The following INTS1 variants were observed in gnomAD, a reference collection of about 807,000 sequenced individuals.
The protein encoded by INTS1 is integrator complex subunit 1.
A neutral mutation model predicts 241.6 loss-of-function variants in INTS1; 137 were observed. The ratio of observed to expected loss-of-function variants is 0.57; its 90% CI spans 0.49 to 0.65. The LOEUF (loss-of-function observed/expected upper bound fraction) is 0.65. Among genes scored for constraint, INTS1 ranks in the 30% least tolerant of loss-of-function variants. The probability of loss-of-function intolerance (pLI) is 0.00; values close to 1 mark genes in which losing one functional copy is unlikely to be tolerated. For synonymous variants in INTS1, 1,692 were observed against 1,337.8 expected (o/e 1.26, Z -5.78); for missense variants, 3,073 against 3,032.2 (o/e 1.01, Z -0.32).
At chr7:1,489,960 A>C (rs1260249114) in intron 16 of INTS1, among the ~76,000 whole-genome samples, 1 of 152,122 alleles carries the variant, frequency 6.6e-6, no homozygotes, top group African/African-American at 2.4e-5. Context: ...ATTAAGTGAC[A>C]ATGATTTTTG....
Position 1,474,625 on chromosome 7 carries a change from T to C in INTS1, c.5636+80A>G. On this transcript the variant is annotated intron_variant, in intron 40 of 47. Coordinates refer to ENST00000404767, the MANE Select transcript of INTS1 (RefSeq NM_001080453.3). ...TTTTTTGTTGTTTTTGGAGTTTTGC[T>C]CTTGTTGCCCAGGCTGGAGAGCCGC... 3 of 1,470,760 alleles carry C rather than the reference T, an allele frequency of 2.0e-6. No individual in the cohort carries two copies. The Admixed American group carries it at 6.9e-5, about 34-fold the overall frequency. The allele number at this position is 1,470,760 out of a possible 1,614,324, so 91.1% of individuals were successfully genotyped here. A position where few individuals can be genotyped will look rare whatever the true frequency, so the allele number is the denominator to read the frequency against.
chr7:1,496,464 G>A (rs1435715348), intron 11 of INTS1, among the ~76,000 whole-genome samples, 200 bp from the exon 12 acceptor site: 1 of 150,952 alleles, frequency 6.6e-6, no homozygotes, highest in African/African-American at 2.4e-5. Flanking sequence ...GCGCGGCACG[G>A]GGTCTGTATC....
At chr7:1,494,606 A>G (rs2128542307) in intron 14 of INTS1, 1 of 613,952 alleles carries the variant, frequency 1.6e-6, no homozygotes, top group Non-Finnish European at 2.9e-6. Flanking sequence ...GTGGACGCAG[A>G]CGGCAGCTGA....
intron 11 of INTS1, among the ~76,000 whole-genome samples, chr7:1,496,724 T>A (rs1465041470): frequency 6.6e-6 from 1 of 152,144 alleles, no homozygotes; most frequent in Non-Finnish European, 1.5e-5. Context: ...CCCGGCAGGC[T>A]GGCTGCGAGT....
chr7:1,478,303 GA>G, intron 33 of INTS1, 62 bp downstream of exon 33: 1 of 1,572,498 alleles, frequency 6.4e-7, no homozygotes, highest in Non-Finnish European at 8.7e-7. Context: ...CAGCTAGAAG[GA>G]GCCTCAGGTT....
intron 43 of INTS1, among the ~76,000 whole-genome samples, 170 bp from the exon 44 acceptor site, chr7:1,472,556 T>C (rs1163595881): frequency 6.6e-6 from 1 of 152,102 alleles, no homozygotes; most frequent in Non-Finnish European, 1.5e-5. Flanking sequence ...GGAGCTGCCT[T>C]TGGATCCGGC....
At position 1,471,210 on chromosome 7, in the gene INTS1, C is replaced by T. The variant is rs369867585; in HGVS notation, c.6270G>A (p.Arg2090=). 74 of 1,579,048 alleles carry T rather than the reference C, an allele frequency of 4.7e-5. No homozygotes were observed. The East Asian group carries it at 1.7e-3, about 35-fold the overall frequency. The change falls in exon 46 of 48, where the codon CGG becomes CGA. Residue 2090 remains arginine, a synonymous_variant. Transcript: ENST00000404767. ...AACACTCCTCGGCCGAGCTCATCAGCCGCTGCAGGTTGGTCTGACCGGGGG... is the reference window on the plus strand; with the variant it reads ...AACACTCCTCGGCCGAGCTCATCAGTCGCTGCAGGTTGGTCTGACCGGGGG... ...ILSFFSTNLQ[R]LMSSAEECCR... is the part of the protein sequence containing the mutation.
Position 1,481,482 on chromosome 7 carries a change from T to G in INTS1, c.3710A>C (p.Gln1237Pro). Residue 1237 changes from glutamine to proline, a missense_variant, in exon 28 of 48, where the codon CAG (glutamine) becomes CCG (proline). Coordinates refer to ENST00000404767, the MANE Select transcript of INTS1 (RefSeq NM_001080453.3). The surrounding 1 kb of genome is among the most constrained non-coding windows in gnomAD (Gnocchi z 6.8). ...CAGCAGCTGCTGCGGCTCCAGGTCC[T>G]GCAGGGCTGAGGGTGCACGCGCTCC... is the stretch of plus-strand genomic sequence containing the variant. Reference protein sequence around the residue: ...EVLRLVDAALQDLEPQQLLLF... With the variant: ...EVLRLVDAALPDLEPQQLLLF... 3 of 1,609,118 alleles carry G rather than the reference T, an allele frequency of 1.9e-6. No individual in the cohort carries two copies. The highest frequency in any genetic ancestry group is 1.7e-6 in the Non-Finnish European group (2 of 1,177,944).
At chr7:1,480,807 C>CT in intron 29 of INTS1, 28 bp downstream of exon 29, 1 of 1,523,360 alleles carries the variant, frequency 6.6e-7, no homozygotes, top group Non-Finnish European at 8.9e-7. Flanking sequence ...GGCTGGGTCT[C>CT]TGTGCTGGCC....
intron 24 of INTS1, among the ~76,000 whole-genome samples, chr7:1,484,643 G>A (rs575189837): frequency 2.0e-5 from 3 of 152,212 alleles, no homozygotes; most frequent in Non-Finnish European, 4.4e-5. Context: ...AGCGACCTGG[G>A]CCCACAGCCC....
chr7:1,474,892 C>A (rs1335062290), intron 39 of INTS1, 54 bp from the exon 40 acceptor site: 3 of 1,532,434 alleles, frequency 2.0e-6, no homozygotes, highest in Non-Finnish European at 2.6e-6. Context: ...CACTTGCCCA[C>A]CCACACTCAG....
rs753935557 is a variant in INTS1 at position 1,479,627 on chromosome 7, G to A, written c.4132C>T (p.Leu1378Phe). 48 of 1,519,922 alleles carry A rather than the reference G, an allele frequency of 3.2e-5. No homozygotes were observed. Among genetic ancestry groups the A allele is most frequent in the Non-Finnish European group, 4.0e-5 (45 of 1,130,680 alleles). The allele number at this position is 1,519,922 out of a possible 1,614,324, so 94.2% of individuals were successfully genotyped here. Residue 1378 changes from leucine (L) to phenylalanine (F), a missense_variant, in exon 31 of 48, where the codon CTC (leucine) becomes TTC (phenylalanine). By Grantham distance (22) the Leu-to-Phe change is conservative. Transcript: ENST00000404767. ...TGGCCCAGGGCCTGCTGCAGGGCGA[G>A]GGCCACGGGGCGGGGACTGGAGCTC... Reference protein sequence around the residue: ...WQSSSPRPVALALQQALGQEL... With the variant: ...WQSSSPRPVAFALQQALGQEL...
In INTS1 at chr7:1,478,850, G is replaced by C; in HGVS notation, c.4365C>G (p.Leu1455=). The change falls in exon 32 of 48, where the codon CTC becomes CTG. Residue 1455 remains leucine, a synonymous_variant. Transcript: ENST00000404767. ...GCATCTGCAGGAGCACCTTCAGGAAGAGCGAGGAGAAGCCGGTGTCCTGTG... is the reference window on the plus strand; with the variant it reads ...GCATCTGCAGGAGCACCTTCAGGAACAGCGAGGAGAAGCCGGTGTCCTGTG... ...CVPQDTGFSS[L]FLKVLLQMLQ... 6.2e-7 allele frequency: 1 copy of C among 1,610,748 alleles called. No individual in the cohort carries two copies. Among genetic ancestry groups the C allele is most frequent in the Non-Finnish European group, 8.5e-7 (1 of 1,178,732 alleles).
At position 1,474,484 on chromosome 7, in the gene INTS1, C is replaced by T. The variant is rs1584258227; in HGVS notation, c.5637-124G>A. On this transcript the variant is annotated intron_variant, in intron 40 of 47. Coordinates refer to ENST00000404767, the MANE Select transcript of INTS1 (RefSeq NM_001080453.3). Reference sequence around the variant, plus strand: ...GTGCTGCCCCCCAACCACCCTCCTGCCCTAAGGAGGTGGGGATGAGATCGC... The same window carrying T: ...GTGCTGCCCCCCAACCACCCTCCTGTCCTAAGGAGGTGGGGATGAGATCGC... 2.5e-6 allele frequency: 3 copies of T among 1,179,210 alleles called. No homozygotes were observed. The East Asian group carries it at 7.8e-5, about 31-fold the overall frequency. The allele number at this position is 1,179,210 out of a possible 1,614,324, so 73.0% of individuals were successfully genotyped here.
At chr7:1,495,703 C>T (rs1308980897) in intron 12 of INTS1, 150 bp from the exon 13 acceptor site, 6 of 1,030,232 alleles carry the variant, frequency 5.8e-6, no homozygotes, top group Non-Finnish European at 8.5e-6. Flanking sequence ...GGAATAACAC[C>T]CTGGGAGGCA....
chr7:1,504,143 C>G, intron 1 of INTS1, 142 bp from the exon 2 acceptor site: 3 of 562,290 alleles, frequency 5.3e-6, no homozygotes, highest in Admixed American at 3.8e-5. Context: ...GCTGCAGGAG[C>G]TGCAGGGACC....
intron 14 of INTS1, chr7:1,494,434 T>A: frequency 3.2e-6 from 1 of 312,858 alleles, no homozygotes; most frequent in Non-Finnish European, 6.2e-6. Context: ...GACAGAGCTG[T>A]GAGGCCAGCC....
In INTS1 at chr7:1,477,955, G is replaced by C; in HGVS notation, c.4631-19C>G. 6.2e-7 allele frequency: 1 copy of C among 1,610,624 alleles called. No individual in the cohort carries two copies. Among genetic ancestry groups the C allele is most frequent in the Non-Finnish European group, 8.5e-7 (1 of 1,178,264 alleles). On this transcript the variant is annotated intron_variant, in intron 33 of 47. Transcript: ENST00000404767. ...TGGAGGACTGCGCAAGGGACAAAGA[G>C]ACATGTGGGTCACTCCCAGGTCGGG...
At chr7:1,473,387 C>A (rs537779796) in intron 42 of INTS1, among the ~76,000 whole-genome samples, 179 bp downstream of exon 42, 1 of 152,152 alleles carries the variant, frequency 6.6e-6, no homozygotes, top group Non-Finnish European at 1.5e-5. Flanking sequence ...TGGGTTCAGA[C>A]GGCTTCGGCA....
Sources: gnomAD v4.1 joint callset for allele counts (sites outside exome capture counted in the v4.1 genomes callset) on GRCh38, gnomAD v4.1.1 for gene constraint, Gnocchi (gnomAD v3.1) non-coding constraint, MANE v1.5 for transcripts, NCBI Gene and HGNC (gene_info 2026-07-23, HGNC 2026-07-21) for gene names.